The following VPS53 variants were observed in gnomAD, a reference collection of about 807,000 sequenced individuals.
The protein encoded by VPS53 is vacuolar protein sorting-associated protein 53 homolog.
VPS53 carries 70 observed loss-of-function variants against 107.0 expected under a neutral mutation model. That is an observed-to-expected ratio of 0.65 (90% confidence interval 0.54 to 0.80). VPS53 has a LOEUF of 0.80. Among genes scored for constraint, VPS53 ranks in the 30% least tolerant of loss-of-function variants. The probability of loss-of-function intolerance (pLI) is 0.00; values close to 1 mark genes in which losing one functional copy is unlikely to be tolerated. For missense variants in VPS53, 917 were observed against 1,049.4 expected (o/e 0.87, Z 1.74); for synonymous variants, 409 against 393.3 (o/e 1.04, Z -0.47).
chr17:529,991 G>A (rs571670169), intron 19 of VPS53, among the ~76,000 whole-genome samples: 2 of 151,356 alleles, frequency 1.3e-5, no homozygotes, highest in Non-Finnish European at 2.9e-5. Flanking sequence ...AGCTATGATT[G>A]TGCCACTGTA....
intron 9 of VPS53, 50 bp from the exon 10 acceptor site, chr17:627,366 G>A: frequency 6.4e-7 from 1 of 1,563,814 alleles, no homozygotes; most frequent in Non-Finnish European, 8.6e-7. Context: ...AAGTAGAAAT[G>A]GCAGTTCAAG....
At chr17:586,537 C>T (rs1031998413) in intron 12 of VPS53, among the ~76,000 whole-genome samples, 173 bp from the exon 13 acceptor site, 24 of 152,172 alleles carry the variant, frequency 1.6e-4, no homozygotes, top group African/African-American at 5.6e-4. Context: ...GAAAAACCAG[C>T]TTTGTTAGCA....
At chr17:536,858 G>T in intron 18 of VPS53, 170 bp downstream of exon 18, 2 of 761,646 alleles carry the variant, frequency 2.6e-6, no homozygotes, top group Non-Finnish European at 4.1e-6. Context: ...GTGCCACTTT[G>T]TGTGTGGGGA....
intron 11 of VPS53, among the ~76,000 whole-genome samples, chr17:620,856 C>A (rs1376527706): frequency 4.6e-5 from 7 of 152,072 alleles, no homozygotes; most frequent in Admixed American, 2.6e-4. Context: ...GATCATCCCA[C>A]CTCAGCCTCT....
chr17:578,339 A>G (rs1449246359), intron 13 of VPS53, among the ~76,000 whole-genome samples: 1 of 151,482 alleles, frequency 6.6e-6, no homozygotes, highest in Admixed American at 6.6e-5. Flanking sequence ...ATGCGTTCCC[A>G]GAGAAATTCT....
chr17:590,451 G>A (rs1967582280), intron 12 of VPS53, among the ~76,000 whole-genome samples: 1 of 150,806 alleles, frequency 6.6e-6, no homozygotes, highest in Admixed American at 6.6e-5. Flanking sequence ...TCCCTGTCTT[G>A]TGCCAGTTTT....
At chr17:584,927 C>A (rs1039594944) in intron 13 of VPS53, among the ~76,000 whole-genome samples, 8 of 152,150 alleles carry the variant, frequency 5.3e-5, no homozygotes, top group Non-Finnish European at 1.5e-5. Flanking sequence ...AGGGAAAATT[C>A]TTCCATATAG....
intron 4 of VPS53, among the ~76,000 whole-genome samples, chr17:696,881 C>T (rs749796365): frequency 1.4e-4 from 21 of 147,732 alleles, no homozygotes; most frequent in Non-Finnish European, 1.6e-4. Flanking sequence ...CAACCTCTGG[C>T]TCCTGGGTTC....
chr17:609,828 CA>C lies in VPS53; in HGVS notation c.1117-7933del, dbSNP rs542415119. On this transcript the variant is annotated intron_variant, in intron 11 of 21. Transcript: ENST00000437048. ...GAGAGGAAAAAAACAATCTCAAATG[CA>C]TATAAAATTAGTAGACAAGGCCGGG... is the stretch of plus-strand genomic sequence containing the variant. 3.9e-5 allele frequency among the ~76,000 whole-genome samples: 6 copies of C among 152,236 alleles called. No individual in the cohort carries two copies. In the South Asian group the frequency reaches 1.2e-3, roughly 32 times the overall value.
At chr17:556,762 T>C (rs1004758308) in intron 15 of VPS53, among the ~76,000 whole-genome samples, 1 of 152,026 alleles carries the variant, frequency 6.6e-6, no homozygotes, top group Non-Finnish European at 1.5e-5. Context: ...CTTTCTGGCA[T>C]GTAACTTAAA....
rs1475062763 is a variant in VPS53, at chr17:519,097, C to A, written c.*31G>T. 3 of 1,473,366 alleles carry A rather than the reference C, an allele frequency of 2.0e-6. No homozygotes were observed. The highest frequency in any genetic ancestry group is 1.4e-5 in the African/African-American group (1 of 70,456). 91.3% of individuals were successfully genotyped at this position (1,473,366 alleles called of 1,614,324 possible). A position where few individuals can be genotyped will look rare whatever the true frequency, so the allele number is the denominator to read the frequency against. Reference sequence around the variant, plus strand: ...TCTGGGGAACGGGCGCTGAGGGTCTCCAGCCAGGAGCAAAGGGCCCCTTGC... The same window carrying A: ...TCTGGGGAACGGGCGCTGAGGGTCTACAGCCAGGAGCAAAGGGCCCCTTGC... On this transcript the variant is annotated 3_prime_UTR_variant, in exon 22 of 22. Transcript: ENST00000437048. This position sits in a 1 kb window ranked among gnomAD's most constrained non-coding sequence, Gnocchi z 5.0.
chr17:664,496 C>G (rs1176052468), intron 4 of VPS53, among the ~76,000 whole-genome samples: 1 of 152,008 alleles, frequency 6.6e-6, no homozygotes, highest in Non-Finnish European at 1.5e-5. Context: ...AATATTGCAG[C>G]GGGAAGTGTC....
intron 16 of VPS53, among the ~76,000 whole-genome samples, 188 bp from the exon 17 acceptor site, chr17:552,138 C>T (rs993212135): frequency 6.6e-6 from 1 of 152,102 alleles, no homozygotes. Flanking sequence ...GTGTCCTCAC[C>T]CAGTCAGGAT....
chr17:590,206 G>A (rs1196889616), intron 12 of VPS53, among the ~76,000 whole-genome samples: 5 of 152,116 alleles, frequency 3.3e-5, no homozygotes, highest in East Asian at 1.9e-4. Context: ...AAGAATGCTC[G>A]TGATTTTTGT....
chr17:658,746 T>G (rs532330167), intron 5 of VPS53, among the ~76,000 whole-genome samples: 61 of 141,020 alleles, frequency 4.3e-4, no homozygotes, highest in African/African-American at 1.6e-3. Context: ...CACTCGGCCG[T>G]GAGTTCGTGG....
intron 17 of VPS53, among the ~76,000 whole-genome samples, chr17:544,563 C>G (rs1045819504): frequency 2.0e-5 from 3 of 152,180 alleles, no homozygotes; most frequent in Non-Finnish European, 4.4e-5. Context: ...ACCTCTGCCT[C>G]TCAGGCTCAA....
chr17:686,808 A>C (rs1972601405), intron 4 of VPS53, among the ~76,000 whole-genome samples: 3 of 152,242 alleles, frequency 2.0e-5, no homozygotes, highest in Admixed American at 2.0e-4. Flanking sequence ...GCCATTTACT[A>C]AACATGAGTG....
chr17:679,203 G>C (rs890707229), intron 4 of VPS53, among the ~76,000 whole-genome samples: 10 of 152,100 alleles, frequency 6.6e-5, no homozygotes, highest in African/African-American at 2.4e-4. Flanking sequence ...GTGTGGGAAA[G>C]AGAAAACATA....
In VPS53 at chr17:663,018, G is replaced by C. The variant is rs562267253; in HGVS notation, c.286-1123C>G. On this transcript the variant is annotated intron_variant, in intron 4 of 21. Coordinates refer to ENST00000437048, the MANE Select transcript of VPS53 (RefSeq NM_001128159.3). ...CCCAGGAGTTCAAGACTAGCCTGGG[G>C]AACATGGCAAGACTCGGTCTCTGCA... Among the ~76,000 whole-genome samples the C allele has an allele frequency of 1.0e-3, 151 of 151,732 alleles. 2 individuals carry two copies. The South Asian group carries it at 0.031, about 31-fold the overall frequency.
Sources: gnomAD v4.1 joint callset for allele counts (sites outside exome capture counted in the v4.1 genomes callset) on GRCh38, gnomAD v4.1.1 for gene constraint, Gnocchi (gnomAD v3.1) non-coding constraint, MANE v1.5 for transcripts, NCBI Gene and HGNC (gene_info 2026-07-23, HGNC 2026-07-21) for gene names.